ZBTB8A: variants seen among roughly 807,000 people sequenced by gnomAD.
ZBTB8A encodes zinc finger and BTB domain-containing protein 8A.
ZBTB8A carries 19 observed loss-of-function variants against 37.8 expected under a neutral mutation model. The observed-to-expected ratio is 0.50, with a 90% CI of 0.35 to 0.74. The LOEUF is 0.74. ZBTB8A is among the 30% of genes least tolerant of loss of function. ZBTB8A has a pLI of 0.01. For missense variants in ZBTB8A, 394 were observed against 537.8 expected, an observed-to-expected ratio of 0.73 and a Z score of 2.65; for synonymous variants, 181 against 185.2, an observed-to-expected ratio of 0.98 and a Z score of 0.19.
At chr1:32,550,981 A>G (rs1259914774) in intron 1 of ZBTB8A, among the ~76,000 whole-genome samples, 2 of 151,866 alleles carry the variant, frequency 1.3e-5, no homozygotes, top group Non-Finnish European at 2.9e-5. Flanking sequence ...AAAAGCCACA[A>G]ATTACCACCG....
At chr1:32,542,624 C>T (rs1377289397) in intron 1 of ZBTB8A, among the ~76,000 whole-genome samples, 4 of 152,106 alleles carry the variant, frequency 2.6e-5, no homozygotes, top group African/African-American at 7.2e-5. Context: ...AAGTTACACT[C>T]GCTACTTAAA....
rs952077487 is a variant in ZBTB8A, at chr1:32,569,494, C to T, written c.-2+15954C>T. 1.1e-4 allele frequency among the ~76,000 whole-genome samples: 17 copies of T among 148,872 alleles called. 1 individual carries two copies. Among genetic ancestry groups the T allele is most frequent in the African/African-American group, 3.0e-4 (12 of 40,508 alleles). On this transcript the variant is annotated intron_variant, in intron 2 of 4. Coordinates refer to ENST00000373510, the MANE Select transcript of ZBTB8A (RefSeq NM_001040441.3). ...CTGCCAGCTCTGCCTCCCGAGTTCA[C>T]GCCATTCTCCTGCCTCAGCCTCCTG...
At chr1:32,591,884 C>T (rs1282950098) in intron 2 of ZBTB8A, among the ~76,000 whole-genome samples, 2 of 152,000 alleles carry the variant, frequency 1.3e-5, no homozygotes, top group African/African-American at 2.4e-5. Flanking sequence ...CTCACTCTGT[C>T]GCCAGGCTGG....
chr1:32,593,602 A>G lies in ZBTB8A; in HGVS notation c.671A>G (p.Tyr224Cys), dbSNP rs548644508. Residue 224 changes from tyrosine to cysteine, a missense_variant, in exon 3 of 5, where the codon TAT becomes TGT. Tyr to Cys is a radical substitution (Grantham distance 194). Around this residue, in one of 4 missense-constraint regions of ZBTB8A, gnomAD observed 171 missense variants for 186.8 expected, o/e 0.92. Transcript: ENST00000373510. ...TCACAGCCTTCTGAAGTTACTCATT[A>G]TAAGTCAAGCAAACGAGAAGTACGA... ...RLSQPSEVTH[Y>C]KSSKREVRTS... 45 of 1,614,258 alleles carry G rather than the reference A, an allele frequency of 2.8e-5. No individual in the cohort carries two copies. The highest frequency in any genetic ancestry group is 1.5e-4 in the Admixed American group (9 of 60,024).
chr1:32,546,585 G>A (rs995842364), intron 1 of ZBTB8A, among the ~76,000 whole-genome samples: 26 of 152,226 alleles, frequency 1.7e-4, no homozygotes, highest in African/African-American at 4.8e-4. Context: ...AGGCTGCAGT[G>A]AGCCAAGATC....
At chr1:32,584,388 A>C (rs1345435144) in intron 2 of ZBTB8A, among the ~76,000 whole-genome samples, 1 of 151,476 alleles carries the variant, frequency 6.6e-6, no homozygotes, top group Non-Finnish European at 1.5e-5. Context: ...ATGCAGAATA[A>C]ACACTTAATA....
chr1:32,551,165 G>T (rs1428307581), intron 1 of ZBTB8A, among the ~76,000 whole-genome samples: 2 of 152,136 alleles, frequency 1.3e-5, no homozygotes, highest in Non-Finnish European at 2.9e-5. Flanking sequence ...TTAATTTTGG[G>T]CCAGGCACAG....
intron 4 of ZBTB8A, among the ~76,000 whole-genome samples, chr1:32,597,581 T>A (rs1202627820): frequency 6.6e-6 from 1 of 152,198 alleles, no homozygotes; most frequent in Non-Finnish European, 1.5e-5. Context: ...TAGTGGAAAG[T>A]GAAATTAGAG....
chr1:32,554,331 A>ATTGCTAATTTT (rs1269711191), intron 2 of ZBTB8A, among the ~76,000 whole-genome samples: 1 of 150,982 alleles, frequency 6.6e-6, no homozygotes, highest in Non-Finnish European at 1.5e-5. Context: ...CTGTTCACTG[A>ATTGCTAATTTT]TTGCTAATTT....
chr1:32,582,629 G>C (rs1004378298), intron 2 of ZBTB8A, among the ~76,000 whole-genome samples: 5 of 151,672 alleles, frequency 3.3e-5, no homozygotes, highest in African/African-American at 1.2e-4. Flanking sequence ...GGCAACAGGA[G>C]TGAAACTCTC....
At chr1:32,546,214 C>T (rs531713691) in intron 1 of ZBTB8A, among the ~76,000 whole-genome samples, 34 of 152,118 alleles carry the variant, frequency 2.2e-4, no homozygotes, top group Non-Finnish European at 4.3e-4. Flanking sequence ...GAGGCCAAGG[C>T]GGGCAGATCA....
At chr1:32,587,432 G>C (rs991276895) in intron 2 of ZBTB8A, among the ~76,000 whole-genome samples, 2 of 151,734 alleles carry the variant, frequency 1.3e-5, no homozygotes, top group Non-Finnish European at 2.9e-5. Context: ...TAAGACTGTA[G>C]GAAAGGTAGA....
At chr1:32,585,673 T>G (rs184707773) in intron 2 of ZBTB8A, among the ~76,000 whole-genome samples, 1 of 152,190 alleles carries the variant, frequency 6.6e-6, no homozygotes, top group East Asian at 1.9e-4. Flanking sequence ...TGCTAATGTT[T>G]ATGAGGTAGA....
chr1:32,580,459 G>A (rs575993702), intron 2 of ZBTB8A, among the ~76,000 whole-genome samples: 3 of 151,664 alleles, frequency 2.0e-5, no homozygotes, highest in East Asian at 1.9e-4. Flanking sequence ...CTTGAGGCAC[G>A]AGAATTGCTT....
chr1:32,549,197 C>CA (rs1390678212), intron 1 of ZBTB8A, among the ~76,000 whole-genome samples: 1 of 149,860 alleles, frequency 6.7e-6, no homozygotes, highest in East Asian at 2.0e-4. Flanking sequence ...CAAAACAAAA[C>CA]AAAACAAAAC....
intron 2 of ZBTB8A, among the ~76,000 whole-genome samples, chr1:32,583,171 A>G (rs148005524): frequency 6.6e-6 from 1 of 152,108 alleles, no homozygotes; most frequent in Non-Finnish European, 1.5e-5. Context: ...GCTTGAGCCC[A>G]GGAGTTTGGG....
intron 2 of ZBTB8A, among the ~76,000 whole-genome samples, chr1:32,567,790 TC>T (rs1341439430): frequency 3.6e-4 from 4 of 11,080 alleles, no homozygotes; most frequent in Non-Finnish European, 4.8e-4. Flanking sequence ...GGATTCTGTC[TC>T]AAAAAAAAAA....
At chr1:32,557,519 G>A (rs1048586710) in intron 2 of ZBTB8A, among the ~76,000 whole-genome samples, 30 of 152,164 alleles carry the variant, frequency 2.0e-4, no homozygotes, top group African/African-American at 7.0e-4. Context: ...CTAAAGGGCA[G>A]TGGCATAATC....
chr1:32,565,791 A>G (rs1275039410), intron 2 of ZBTB8A, among the ~76,000 whole-genome samples: 2 of 152,128 alleles, frequency 1.3e-5, no homozygotes, highest in Non-Finnish European at 2.9e-5. Flanking sequence ...GAGCATCTGT[A>G]TGCTGGACAT....
Sources: gnomAD v4.1 joint callset for allele counts (sites outside exome capture counted in the v4.1 genomes callset) on GRCh38, gnomAD v4.1.1 for gene constraint, gnomAD v4.1.1 regional missense constraint, MANE v1.5 for transcripts, NCBI Gene and HGNC (gene_info 2026-07-23, HGNC 2026-07-21) for gene names.